The following GRM1 variants were observed in gnomAD, a reference collection of about 807,000 sequenced individuals.
GRM1 encodes the protein metabotropic glutamate receptor 1.
GRM1 carries 33 observed loss-of-function variants against 90.9 expected under a neutral mutation model. That is an observed-to-expected ratio of 0.36 (90% CI 0.28 to 0.49). The LOEUF is 0.49. Ranked by LOEUF, GRM1 falls within the 20% of genes least tolerant of loss-of-function variation. GRM1 has a pLI of 0.99. For missense variants in GRM1, 1,190 were observed against 1,534.3 expected (o/e 0.78, Z 3.75); for synonymous variants, 700 against 613.2 (o/e 1.14, Z -2.09).
chr6:146,433,786 G>A (rs2114696750), intron 7 of GRM1, 86 bp from the exon 8 acceptor site: 1 of 957,186 alleles, frequency 1.0e-6, no homozygotes, highest in Non-Finnish European at 1.7e-6. Flanking sequence ...AAATCACACT[G>A]AGCTAGGTTT....
intron 7 of GRM1, among the ~76,000 whole-genome samples, chr6:146,400,081 A>T (rs1171738064): frequency 6.6e-6 from 1 of 152,214 alleles, no homozygotes; most frequent in East Asian, 1.9e-4. Flanking sequence ...AGCACTAATT[A>T]TAATGTCTAG....
intron 1 of GRM1, among the ~76,000 whole-genome samples, chr6:146,118,514 T>G (rs542043162): frequency 5.9e-5 from 9 of 152,214 alleles, no homozygotes; most frequent in Non-Finnish European, 1.0e-4. Flanking sequence ...CGTATATATG[T>G]GCCATGTTGG....
chr6:146,421,761 T>A (rs1053208481), intron 7 of GRM1, among the ~76,000 whole-genome samples: 7 of 152,146 alleles, frequency 4.6e-5, no homozygotes, highest in African/African-American at 1.7e-4. Context: ...ATGGAAAGAC[T>A]GCATTGTGCA....
At chr6:146,415,078 G>A (rs1777727819) in intron 7 of GRM1, among the ~76,000 whole-genome samples, 1 of 152,184 alleles carries the variant, frequency 6.6e-6, no homozygotes. Flanking sequence ...CATAGACTGG[G>A]TGGCTTATAT....
chr6:146,292,827 G>T (rs1472277569), intron 2 of GRM1, among the ~76,000 whole-genome samples: 1 of 151,890 alleles, frequency 6.6e-6, no homozygotes, highest in African/African-American at 2.4e-5. Context: ...TATGTTTATA[G>T]AAGCACTATT....
chr6:146,329,836 G>A (rs530694950), intron 3 of GRM1, among the ~76,000 whole-genome samples: 5 of 152,274 alleles, frequency 3.3e-5, no homozygotes, highest in African/African-American at 1.2e-4. Context: ...AGAATAAAGT[G>A]CTGAATATTT....
chr6:146,227,284 C>T (rs938655895), intron 2 of GRM1, among the ~76,000 whole-genome samples: 3 of 151,912 alleles, frequency 2.0e-5, no homozygotes, highest in African/African-American at 7.3e-5. Flanking sequence ...CTTTCTGGCC[C>T]CACTTTCACA....
chr6:146,355,538 A>G (rs1363424478), intron 4 of GRM1, among the ~76,000 whole-genome samples: 1 of 152,120 alleles, frequency 6.6e-6, no homozygotes, highest in Non-Finnish European at 1.5e-5. Flanking sequence ...GGGGACAACT[A>G]TTTGTAGAAA....
intron 7 of GRM1, among the ~76,000 whole-genome samples, chr6:146,417,097 C>T (rs79615724): frequency 0.013 from 1,958 of 152,198 alleles, 48 homozygotes; most frequent in African/African-American, 0.045. Flanking sequence ...TTCTTTGCCT[C>T]TTAGTTAAGA....
intron 3 of GRM1, among the ~76,000 whole-genome samples, chr6:146,342,488 T>A: frequency 6.6e-6 from 1 of 152,252 alleles, no homozygotes; most frequent in East Asian, 1.9e-4. Context: ...AAGTATCTTG[T>A]ACTTAAGAGT....
At chr6:146,105,336 A>G (rs1374237364) in intron 1 of GRM1, among the ~76,000 whole-genome samples, 1 of 152,198 alleles carries the variant, frequency 6.6e-6, no homozygotes, top group Non-Finnish European at 1.5e-5. Context: ...TTAAACTAGT[A>G]AACTTAGTAC....
chr6:146,063,799 G>T (rs544156571), intron 1 of GRM1, among the ~76,000 whole-genome samples: 1 of 152,030 alleles, frequency 6.6e-6, no homozygotes, highest in Admixed American at 6.6e-5. Flanking sequence ...TGAAGTCATG[G>T]GCAGTCACAC....
intron 3 of GRM1, among the ~76,000 whole-genome samples, chr6:146,321,213 C>T (rs1320921231): frequency 3.9e-5 from 6 of 152,124 alleles, no homozygotes; most frequent in African/African-American, 1.4e-4. Flanking sequence ...TTATTTCTGC[C>T]TTAATTTAGT....
intron 3 of GRM1, among the ~76,000 whole-genome samples, chr6:146,351,748 T>C (rs948526440): frequency 8.5e-5 from 13 of 152,162 alleles, no homozygotes; most frequent in Admixed American, 2.0e-4. Flanking sequence ...GTTCTAACTC[T>C]GGATTTTTGT....
chr6:146,080,325 A>G (rs1776321876), intron 1 of GRM1, among the ~76,000 whole-genome samples: 1 of 152,184 alleles, frequency 6.6e-6, no homozygotes, highest in South Asian at 2.1e-4. Context: ...TCTTCTGAAT[A>G]TGCTGTCTTC....
At chr6:146,055,539 T>C (rs2128851050) in intron 1 of GRM1, among the ~76,000 whole-genome samples, 1 of 152,244 alleles carries the variant, frequency 6.6e-6, no homozygotes, top group Admixed American at 6.5e-5. Context: ...CTTTTATAGA[T>C]ATCAACTCTT....
At chr6:146,298,934 T>C (rs1783278242) in intron 2 of GRM1, among the ~76,000 whole-genome samples, 1 of 152,180 alleles carries the variant, frequency 6.6e-6, no homozygotes, top group African/African-American at 2.4e-5. Context: ...AACAAAAGTG[T>C]CTACTCAAAT....
At chr6:146,141,466 G>T (rs767757879) in intron 1 of GRM1, among the ~76,000 whole-genome samples, 1 of 152,040 alleles carries the variant, frequency 6.6e-6, no homozygotes, top group Non-Finnish European at 1.5e-5. Flanking sequence ...ATCCTGCGAA[G>T]AAACTTTCTA....
chr6:146,318,895 T>G (rs2114963717), intron 3 of GRM1, among the ~76,000 whole-genome samples: 1 of 152,338 alleles, frequency 6.6e-6, no homozygotes, highest in South Asian at 2.1e-4. Context: ...ATTCTGGATA[T>G]TAGCCCTTTG....
Sources: allele counts gnomAD v4.1 joint callset (sites outside exome capture counted in the v4.1 genomes callset), GRCh38; gene constraint gnomAD v4.1.1; transcripts MANE v1.5; gene names NCBI Gene and HGNC (gene_info 2026-07-23, HGNC 2026-07-21).